Variants in NRAP observed in about 807,000 individuals in gnomAD.
NRAP encodes the protein nebulin related anchoring protein.
NRAP carries 189 observed loss-of-function variants against 225.9 expected under a neutral mutation model. The observed-to-expected ratio is 0.84, with a 90% CI of 0.74 to 0.94. The LOEUF is 0.94. Among genes scored for constraint, NRAP ranks in the 40% least tolerant of loss-of-function variants. NRAP has a pLI of 0.00. For missense variants in NRAP, 2,176 were observed against 2,168.7 expected (o/e 1.00, Z -0.07); for synonymous variants, 769 against 790.7 (o/e 0.97, Z 0.46).
At chr10:113,605,020 A>G (rs1022360152) in intron 34 of NRAP, 100 bp from the exon 35 acceptor site, 29 of 1,349,848 alleles carry the variant, frequency 2.1e-5, no homozygotes, top group Middle Eastern at 3.7e-4. Context: ...TGATTATAAG[A>G]AAAACCACAG....
intron 14 of NRAP, among the ~76,000 whole-genome samples, chr10:113,638,590 A>G (rs1849013825): frequency 1.3e-5 from 2 of 152,220 alleles, no homozygotes; most frequent in South Asian, 4.1e-4. Flanking sequence ...AAGGTAAGCT[A>G]AAGGAGGTAC....
chr10:113,613,336 G>C (rs1453246293), intron 29 of NRAP, among the ~76,000 whole-genome samples: 1 of 152,198 alleles, frequency 6.6e-6, no homozygotes, highest in Non-Finnish European at 1.5e-5. Context: ...AAGACCATGA[G>C]AGGTAGAGCT....
chr10:113,591,348 G>T (rs555260523), intron 39 of NRAP, among the ~76,000 whole-genome samples: 1 of 152,278 alleles, frequency 6.6e-6, no homozygotes, highest in South Asian at 2.1e-4. Flanking sequence ...GTCCCATTTT[G>T]ATTTGCTTTT....
At chr10:113,646,548 A>G (rs3121481) in intron 10 of NRAP, among the ~76,000 whole-genome samples, 84,323 of 152,072 alleles carry the variant, frequency 0.55, 24,631 homozygotes, top group East Asian at 0.74. Context: ...TTCTGCCAAT[A>G]AAAATCATTT....
intron 7 of NRAP, among the ~76,000 whole-genome samples, chr10:113,651,583 C>T (rs1849973656): frequency 6.6e-6 from 1 of 152,150 alleles, no homozygotes; most frequent in Admixed American, 6.5e-5. Flanking sequence ...TAAGTGAGAA[C>T]ATGGGGTGTT....
At position 113,628,424 on chromosome 10, in the gene NRAP, G is replaced by A. The variant is rs576427063; in HGVS notation, c.2145+493C>T. On this transcript the variant is annotated intron_variant, in intron 20 of 41. Transcript: ENST00000359988. ...AGGATGGTCTCGATCTCCTGACCTC[G>A]TGATCTGCCCACCTAGGCCTCCTAA... Among the ~76,000 whole-genome samples the A allele has an allele frequency of 4.3e-4, 66 of 152,160 alleles. 1 individual carries two copies. The highest frequency in any genetic ancestry group is 2.9e-3 in the South Asian group (14 of 4,814).
At chr10:113,628,354 A>AT (rs557908219) in intron 20 of NRAP, among the ~76,000 whole-genome samples, 15 of 152,006 alleles carry the variant, frequency 9.9e-5, no homozygotes, top group Admixed American at 3.9e-4. Context: ...CACCTGGCTG[A>AT]TTTTTTTGTG....
At chr10:113,599,786 G>A (rs1403994202) in intron 35 of NRAP, among the ~76,000 whole-genome samples, 4 of 151,238 alleles carry the variant, frequency 2.6e-5, no homozygotes, top group African/African-American at 9.8e-5. Context: ...TTCGAAGAAG[G>A]ATTATAAGAT....
intron 11 of NRAP, among the ~76,000 whole-genome samples, chr10:113,644,210 G>A (rs764095306): frequency 9.4e-5 from 14 of 148,694 alleles, no homozygotes; most frequent in Admixed American, 6.7e-4. Flanking sequence ...TGGTAGAACT[G>A]CACTCCCAGT....
intron 24 of NRAP, among the ~76,000 whole-genome samples, 160 bp downstream of exon 24, chr10:113,621,709 G>C (rs1055453198): frequency 6.6e-6 from 1 of 152,194 alleles, no homozygotes; most frequent in Non-Finnish European, 1.5e-5. Context: ...TTGAATAAAA[G>C]TTAAACCACT....
At chr10:113,609,068 G>A (rs1392741149) in intron 31 of NRAP, among the ~76,000 whole-genome samples, 5 of 152,246 alleles carry the variant, frequency 3.3e-5, no homozygotes, top group Admixed American at 6.5e-5. Flanking sequence ...GCTGAGGCAG[G>A]AGAATCGCTT....
chr10:113,615,916 T>A, intron 26 of NRAP, 100 bp from the exon 27 acceptor site: 1 of 729,024 alleles, frequency 1.4e-6, no homozygotes, highest in Non-Finnish European at 2.5e-6. Flanking sequence ...AGCTGCCACC[T>A]CCTCATAGAG....
intron 18 of NRAP, among the ~76,000 whole-genome samples, chr10:113,630,915 G>A: frequency 6.6e-6 from 1 of 152,198 alleles, no homozygotes; most frequent in East Asian, 1.9e-4. Flanking sequence ...CATCAGCAGG[G>A]AAGACTTGAT....
chr10:113,649,848 C>T (rs915897291), intron 9 of NRAP, among the ~76,000 whole-genome samples, 189 bp downstream of exon 9: 2 of 152,120 alleles, frequency 1.3e-5, no homozygotes, highest in Non-Finnish European at 2.9e-5. Flanking sequence ...ATCTGTTTTC[C>T]TAAGTGGGTC....
At chr10:113,608,146 G>T (rs1847106584) in intron 32 of NRAP, among the ~76,000 whole-genome samples, 1 of 152,182 alleles carries the variant, frequency 6.6e-6, no homozygotes, top group Non-Finnish European at 1.5e-5. Flanking sequence ...TAGATCTGAG[G>T]TTGTGCCTTG....
intron 20 of NRAP, among the ~76,000 whole-genome samples, chr10:113,626,822 T>C (rs185483527): frequency 1.6e-4 from 25 of 152,340 alleles, no homozygotes; most frequent in Non-Finnish European, 2.9e-4. Flanking sequence ...CTTGTCCTCC[T>C]AGTGTCCCCA....
intron 9 of NRAP, among the ~76,000 whole-genome samples, chr10:113,648,467 CTA>C (rs1554867329): frequency 0.016 from 1,409 of 87,330 alleles, 14 homozygotes; most frequent in African/African-American, 0.025. Context: ...CTCTCTCTCT[CTA>C]TATATATATA....
At chr10:113,660,438 C>T (rs937411934) in intron 3 of NRAP, among the ~76,000 whole-genome samples, 2 of 152,258 alleles carry the variant, frequency 1.3e-5, no homozygotes, top group Admixed American at 6.5e-5. Context: ...AATACACACA[C>T]GCAGGCTTCC....
At position 113,597,133 on chromosome 10, in the gene NRAP, A is replaced by C. The variant is rs1177781366; in HGVS notation, c.4384T>G (p.Ser1462Ala). The C allele has an allele frequency of 6.2e-7, 1 of 1,613,862 alleles. No homozygotes were observed. The highest frequency in any genetic ancestry group is 8.5e-7 in the Non-Finnish European group (1 of 1,179,728). ...DSIKFTTVVD[S>A]PDLVHAKNSY... ...TTCTTGGCATGAACCAGGTCTGGGG[A>C]GTCAACCACTGTGGTGAACTTGATA... The change falls in exon 37 of 42, where the codon TCC (serine) becomes GCC (alanine). Residue 1462 changes from serine to alanine, a missense_variant. Ser to Ala is a moderately conservative substitution (Grantham distance 99). Around this residue, in one of 3 missense-constraint regions of NRAP, gnomAD observed 445 missense variants for 426.1 expected, o/e 1.04. Transcript: ENST00000359988.
Sources: gnomAD v4.1 joint callset for allele counts (sites outside exome capture counted in the v4.1 genomes callset) on GRCh38, gnomAD v4.1.1 for gene constraint, gnomAD v4.1.1 regional missense constraint, MANE v1.5 for transcripts, NCBI Gene and HGNC (gene_info 2026-07-23, HGNC 2026-07-21) for gene names.